The following FGD6 variants were observed in gnomAD, a reference collection of about 807,000 sequenced individuals.
FGD6 encodes FYVE, RhoGEF and PH domain containing 6, also known as FYVE, RhoGEF and PH domain-containing protein 6.
A neutral mutation model predicts 149.4 loss-of-function variants in FGD6; 90 were observed. That is an observed-to-expected ratio of 0.60 (90% confidence interval 0.51 to 0.72). The LOEUF is 0.72. FGD6 is among the 30% of genes least tolerant of loss of function. The probability of loss-of-function intolerance (pLI) is 0.00; values close to 1 mark genes in which losing one functional copy is unlikely to be tolerated. For synonymous variants in FGD6, 527 were observed against 584.0 expected, an observed-to-expected ratio of 0.90 and a Z score of 1.41; for missense variants, 1,437 against 1,684.8, an observed-to-expected ratio of 0.85 and a Z score of 2.57.
In FGD6 at chr12:95,169,847, G is replaced by A. The variant is rs1471124514; in HGVS notation, c.2586+2753C>T. Among the ~76,000 whole-genome samples, 4 of 152,250 alleles carry A rather than the reference G, an allele frequency of 2.6e-5. No homozygotes were observed. The East Asian group carries it at 7.7e-4, about 29-fold the overall frequency. ...TCAAGAAGACAATTTGAGGCCAGGC[G>A]TGGTGGCTCACACCTGTAATCCCAG... On this transcript the variant is annotated intron_variant, in intron 3 of 20. Transcript: ENST00000343958.
At chr12:95,088,132 G>A (rs1877938055) in intron 18 of FGD6, among the ~76,000 whole-genome samples, 2 of 152,136 alleles carry the variant, frequency 1.3e-5, no homozygotes, top group South Asian at 2.1e-4. Context: ...GAATAGCCAT[G>A]ACTAGACCTA....
At chr12:95,132,745 C>T (rs916932180) in intron 8 of FGD6, among the ~76,000 whole-genome samples, 4 of 151,570 alleles carry the variant, frequency 2.6e-5, no homozygotes, top group African/African-American at 7.3e-5. Context: ...AGCAAGATTC[C>T]GTCTCAAATA....
chr12:95,175,815 A>G (rs11107924), intron 2 of FGD6, among the ~76,000 whole-genome samples: 32,741 of 142,626 alleles, frequency 0.23, 3,893 homozygotes, highest in African/African-American at 0.32. Flanking sequence ...AAAAAAAAAA[A>G]AAAAGAAAAA....
intron 14 of FGD6, among the ~76,000 whole-genome samples, chr12:95,097,634 CAAAAAA>C (rs34057454): frequency 9.2e-5 from 4 of 43,390 alleles, no homozygotes; most frequent in Non-Finnish European, 1.2e-4. Context: ...GACTCTGTCT[CAAAAAA>C]AAAAAAAAAA....
rs1464787472 is a variant in FGD6 at position 95,092,777 on chromosome 12, G to C, written c.3669C>G (p.Thr1223=). 1 of 1,614,088 alleles carries C rather than the reference G, an allele frequency of 6.2e-7. No individual in the cohort carries two copies. The highest frequency in any genetic ancestry group is 8.5e-7 in the Non-Finnish European group (1 of 1,180,008). ...TGCAGATCATACACATTGTGGCTCT[G>C]GTATCAGGAATCCAGATGGGAGCCT... is the stretch of plus-strand genomic sequence containing the variant. ...GSKAPIWIPD[T]RATMCMICTS... Residue 1223 remains threonine (T), a synonymous_variant, in exon 16 of 21, where the codon ACC becomes ACG. Coordinates refer to ENST00000343958, the MANE Select transcript of FGD6 (RefSeq NM_018351.4).
intron 3 of FGD6, among the ~76,000 whole-genome samples, chr12:95,154,572 A>C (rs1880416147): frequency 6.6e-6 from 1 of 152,196 alleles, no homozygotes; most frequent in African/African-American, 2.4e-5. Context: ...GTTACACCTA[A>C]GGTGAAAATG....
chr12:95,152,330 A>G (rs939172427), intron 5 of FGD6, among the ~76,000 whole-genome samples: 1 of 152,166 alleles, frequency 6.6e-6, no homozygotes, highest in Non-Finnish European at 1.5e-5. Flanking sequence ...GCTCTCTCAA[A>G]TCAAAAAAAC....
chr12:95,083,501 ATT>A (rs2136229900), intron 20 of FGD6, among the ~76,000 whole-genome samples: 1 of 152,314 alleles, frequency 6.6e-6, no homozygotes, highest in Admixed American at 6.5e-5. Context: ...GGCAATTACT[ATT>A]TTGTCTAAAT....
chr12:95,148,214 A>G (rs1405399853), intron 5 of FGD6, among the ~76,000 whole-genome samples: 1 of 151,754 alleles, frequency 6.6e-6, no homozygotes, highest in Non-Finnish European at 1.5e-5. Flanking sequence ...TCAGTGAAAC[A>G]GCATGAAGTG....
chr12:95,089,423 A>G (rs1877978489), intron 18 of FGD6, 146 bp downstream of exon 18: 1 of 1,037,328 alleles, frequency 9.6e-7, no homozygotes, highest in African/African-American at 1.6e-5. Context: ...ATTGTGAGGC[A>G]TCAGCCACAT....
chr12:95,126,443 C>A (rs1288104958), intron 8 of FGD6: 2 of 1,038,952 alleles, frequency 1.9e-6, no homozygotes, highest in Admixed American at 6.5e-5. Flanking sequence ...AAACAAAAAA[C>A]AAAGGCCAGC....
At position 95,094,681 on chromosome 12, in the gene FGD6, T is replaced by C; in HGVS notation, c.3511A>G (p.Arg1171Gly). ...GAAATCGCTTCTAGCCATTCATCCCTTTCTGTGGCAGAACTGTTGGGGGCA... is the reference window on the plus strand; with the variant it reads ...GAAATCGCTTCTAGCCATTCATCCCCTTCTGTGGCAGAACTGTTGGGGGCA... ...FILSASSATERDEWLEAISRA... is the reference protein window; with the variant it reads ...FILSASSATEGDEWLEAISRA... Residue 1171 changes from arginine (R) to glycine (G), a missense_variant, in exon 15 of 21, where the codon AGG (arginine) becomes GGG (glycine). Arg to Gly is a moderately radical substitution (Grantham distance 125). This residue lies in a region of FGD6 where 382 missense variants were observed against 538.7 expected (regional missense o/e 0.71). Coordinates refer to ENST00000343958, the MANE Select transcript of FGD6 (RefSeq NM_018351.4). The C allele has an allele frequency of 1.9e-6, 3 of 1,613,364 alleles. No homozygotes were observed. Among genetic ancestry groups the C allele is most frequent in the South Asian group, 1.1e-5 (1 of 90,968 alleles).
intron 5 of FGD6, among the ~76,000 whole-genome samples, chr12:95,144,829 C>T (rs1464472389): frequency 1.3e-5 from 2 of 151,272 alleles, no homozygotes; most frequent in Non-Finnish European, 2.9e-5. Context: ...GCTGGGATTA[C>T]AGGCGCTTGC....
At chr12:95,189,931 C>T (rs1056522580) in intron 2 of FGD6, among the ~76,000 whole-genome samples, 4 of 152,160 alleles carry the variant, frequency 2.6e-5, no homozygotes, top group African/African-American at 9.7e-5. Context: ...ATATTCTTCG[C>T]TTGTTAGTAC....
chr12:95,194,605 G>C (rs1881689790), intron 2 of FGD6, among the ~76,000 whole-genome samples: 2 of 150,116 alleles, frequency 1.3e-5, no homozygotes, highest in East Asian at 3.9e-4. Context: ...ACGGGAAGAG[G>C]TGGGAGGGGG....
chr12:95,185,208 C>T (rs878859939), intron 2 of FGD6, among the ~76,000 whole-genome samples: 3 of 152,118 alleles, frequency 2.0e-5, no homozygotes, highest in Admixed American at 6.6e-5. Flanking sequence ...TGAGTCCTTA[C>T]ACCAGTTACA....
intron 8 of FGD6, among the ~76,000 whole-genome samples, chr12:95,131,959 G>A (rs1879533376): frequency 6.6e-6 from 1 of 152,100 alleles, no homozygotes; most frequent in Admixed American, 6.6e-5. Context: ...AGGATAACTT[G>A]AACCTGGTAG....
In FGD6 at chr12:95,081,346, A is replaced by T; in HGVS notation, c.*174T>A. Reference sequence around the variant, plus strand: ...AATTTTAATAAATAACATAAATGAAAAAACAAACACCTTTTAAAAATTGCT... The same window carrying T: ...AATTTTAATAAATAACATAAATGAATAAACAAACACCTTTTAAAAATTGCT... On this transcript the variant is annotated 3_prime_UTR_variant, in exon 21 of 21. Coordinates refer to ENST00000343958, the MANE Select transcript of FGD6 (RefSeq NM_018351.4). The T allele has an allele frequency of 2.2e-6, 1 of 447,206 alleles. No homozygotes were observed. Among genetic ancestry groups the T allele is most frequent in the Middle Eastern group, 6.1e-4 (1 of 1,650 alleles). 27.7% of individuals were successfully genotyped at this position (447,206 alleles called of 1,614,324 possible).
At chr12:95,178,253 CA>C (rs1881188989) in intron 2 of FGD6, among the ~76,000 whole-genome samples, 2 of 152,136 alleles carry the variant, frequency 1.3e-5, no homozygotes, top group Non-Finnish European at 2.9e-5. Context: ...AAGCAACCGT[CA>C]CGTATGCACA....
Sources: allele counts gnomAD v4.1 joint callset (sites outside exome capture counted in the v4.1 genomes callset), GRCh38; gene constraint gnomAD v4.1.1; regional missense constraint gnomAD v4.1.1; transcripts MANE v1.5; gene names NCBI Gene and HGNC (gene_info 2026-07-23, HGNC 2026-07-21).